GRIA4: variants seen among roughly 807,000 people sequenced by gnomAD.
The protein encoded by GRIA4 is glutamate receptor 4.
In GRIA4, 34 loss-of-function variants were observed where a neutral mutation model predicts 104.0. The ratio of observed to expected loss-of-function variants is 0.33; its 90% CI spans 0.25 to 0.44. The LOEUF is 0.44. Among genes scored for constraint, GRIA4 ranks in the 20% least tolerant of loss-of-function variants. The pLI, the probability that GRIA4 is intolerant of heterozygous loss-of-function variation, is 1.00. For synonymous variants in GRIA4, 386 were observed against 381.9 expected (o/e 1.01, Z -0.13); for missense variants, 750 against 1,096.5 (o/e 0.68, Z 4.46).
chr11:105,943,006 G>A (rs1948219184), intron 14 of GRIA4, among the ~76,000 whole-genome samples: 1 of 152,102 alleles, frequency 6.6e-6, no homozygotes, highest in South Asian at 2.1e-4. Flanking sequence ...CACTTTGAGA[G>A]TCTGAGATTC....
chr11:105,768,162 A>G (rs908563907), intron 4 of GRIA4, among the ~76,000 whole-genome samples: 1 of 152,186 alleles, frequency 6.6e-6, no homozygotes, highest in East Asian at 1.9e-4. Context: ...ATGAGAGCAC[A>G]TAATGGCAGA....
intron 4 of GRIA4, among the ~76,000 whole-genome samples, chr11:105,855,012 T>C (rs1282469239): frequency 6.6e-6 from 1 of 152,200 alleles, no homozygotes; most frequent in African/African-American, 2.4e-5. Flanking sequence ...AAGCATAATG[T>C]AGTTTATGAA....
At chr11:105,907,046 A>G (rs1033469753) in intron 9 of GRIA4, among the ~76,000 whole-genome samples, 8 of 152,218 alleles carry the variant, frequency 5.3e-5, no homozygotes, top group Non-Finnish European at 8.8e-5. Flanking sequence ...TTACAAAACT[A>G]TAAGTGCAGA....
chr11:105,910,362 C>G (rs570651441), intron 9 of GRIA4, 73 bp from the exon 10 acceptor site: 1 of 745,356 alleles, frequency 1.3e-6, no homozygotes, highest in African/African-American at 1.7e-5. Flanking sequence ...CTATTCATAC[C>G]CTTCATTTTT....
intron 5 of GRIA4, among the ~76,000 whole-genome samples, chr11:105,864,801 T>C (rs1365861065): frequency 2.0e-5 from 3 of 151,556 alleles, no homozygotes; most frequent in African/African-American, 4.9e-5. Context: ...ACCCAGGAGG[T>C]GGAGGTTGTG....
chr11:105,911,381 G>A (rs1312699500), intron 10 of GRIA4, among the ~76,000 whole-genome samples: 3 of 151,622 alleles, frequency 2.0e-5, no homozygotes, highest in Non-Finnish European at 4.4e-5. Flanking sequence ...ATCAACAATC[G>A]GTGACCTTTT....
intron 3 of GRIA4, among the ~76,000 whole-genome samples, chr11:105,646,338 T>C (rs1951526651): frequency 6.6e-6 from 1 of 152,164 alleles, no homozygotes; most frequent in Admixed American, 6.5e-5. Context: ...TCCACCTGTA[T>C]TTCCAGCACT....
chr11:105,659,078 C>T (rs77034379), intron 3 of GRIA4, among the ~76,000 whole-genome samples: 1 of 151,942 alleles, frequency 6.6e-6, no homozygotes, highest in Admixed American at 6.6e-5. Context: ...ATGAACTTGG[C>T]CAAAGTCCAA....
chr11:105,896,418 CTTTAG>C (rs1000041232), intron 6 of GRIA4, among the ~76,000 whole-genome samples: 3 of 151,982 alleles, frequency 2.0e-5, no homozygotes, highest in African/African-American at 7.2e-5. Context: ...TGCAGAAGCT[CTTTAG>C]TTTAGTTAAG....
At chr11:105,630,017 A>C (rs1950991628) in intron 3 of GRIA4, among the ~76,000 whole-genome samples, 1 of 152,212 alleles carries the variant, frequency 6.6e-6, no homozygotes, top group Non-Finnish European at 1.5e-5. Context: ...TCTGTATAAA[A>C]GACAGTAGCT....
chr11:105,745,425 T>C (rs1478663363), intron 3 of GRIA4, among the ~76,000 whole-genome samples: 1 of 152,178 alleles, frequency 6.6e-6, no homozygotes, highest in Non-Finnish European at 1.5e-5. Flanking sequence ...TGTTTAGTTC[T>C]TGAGTTTCCA....
chr11:105,777,762 T>C (rs1381965646), intron 4 of GRIA4, among the ~76,000 whole-genome samples: 1 of 152,162 alleles, frequency 6.6e-6, no homozygotes, highest in Non-Finnish European at 1.5e-5. Flanking sequence ...ATCATTTTAA[T>C]CTTAAAAATA....
chr11:105,785,390 G>GT (rs1941914791), intron 4 of GRIA4, among the ~76,000 whole-genome samples: 1 of 152,054 alleles, frequency 6.6e-6, no homozygotes, highest in African/African-American at 2.4e-5. Flanking sequence ...TCTATTAAAT[G>GT]AGGAATAAGC....
intron 3 of GRIA4, among the ~76,000 whole-genome samples, chr11:105,622,881 C>A (rs1950785977): frequency 6.6e-6 from 1 of 151,638 alleles, no homozygotes; most frequent in Non-Finnish European, 1.5e-5. Context: ...TTAGTCCAAA[C>A]TCAGTTGTCC....
At chr11:105,709,867 G>A (rs1412028158) in intron 3 of GRIA4, among the ~76,000 whole-genome samples, 1 of 152,138 alleles carries the variant, frequency 6.6e-6, no homozygotes, top group African/African-American at 2.4e-5. Flanking sequence ...AGTATCAGAT[G>A]AGAAACAATG....
intron 14 of GRIA4, among the ~76,000 whole-genome samples, chr11:105,954,609 A>C (rs1948537374): frequency 6.6e-6 from 1 of 152,132 alleles, no homozygotes; most frequent in Non-Finnish European, 1.5e-5. Context: ...CAAAATGAAC[A>C]CACACTTGTT....
chr11:105,818,302 G>A (rs1939147), intron 4 of GRIA4, among the ~76,000 whole-genome samples: 1,758 of 152,186 alleles, frequency 0.012, 30 homozygotes, highest in African/African-American at 0.039. Flanking sequence ...TGTTGGAAGT[G>A]CAGGTCTGTT....
intron 4 of GRIA4, among the ~76,000 whole-genome samples, chr11:105,813,587 T>A (rs1591296782): frequency 6.6e-6 from 1 of 152,044 alleles, no homozygotes; most frequent in Non-Finnish European, 1.5e-5. Context: ...CCAATAAGGG[T>A]GGTAAGTGGA....
chr11:105,674,806 AAAAC>A (rs1329613790), intron 3 of GRIA4, among the ~76,000 whole-genome samples: 1 of 151,930 alleles, frequency 6.6e-6, no homozygotes, highest in East Asian at 1.9e-4. Context: ...CTGATAATAT[AAAAC>A]AAACATTTTA....
Sources: allele counts gnomAD v4.1 joint callset (sites outside exome capture counted in the v4.1 genomes callset), GRCh38; gene constraint gnomAD v4.1.1; transcripts MANE v1.5; gene names NCBI Gene and HGNC (gene_info 2026-07-23, HGNC 2026-07-21).